The following EPHX2 variants were observed in gnomAD, a reference collection of about 807,000 sequenced individuals.
EPHX2 encodes the protein bifunctional epoxide hydrolase 2.
A neutral mutation model predicts 78.7 loss-of-function variants in EPHX2; 74 were observed. The observed-to-expected ratio is 0.94, with a 90% CI of 0.78 to 1.14. The LOEUF is 1.14. Ranked by LOEUF, EPHX2 falls within the 50% of genes most tolerant of loss-of-function variation. The probability of loss-of-function intolerance (pLI) is 0.00; values close to 1 mark genes in which losing one functional copy is unlikely to be tolerated. For missense variants in EPHX2, 715 were observed against 702.5 expected, an observed-to-expected ratio of 1.02 and a Z score of -0.20; for synonymous variants, 251 against 255.2, an observed-to-expected ratio of 0.98 and a Z score of 0.16.
In EPHX2 at chr8:27,516,304, C is replaced by T. The variant is rs372480614; in HGVS notation, c.832-16C>T. On this transcript the variant is annotated splice_polypyrimidine_tract_variant and intron_variant, in intron 7 of 18. Transcript: ENST00000521400. The stretch of plus-strand genomic sequence containing the variant: ...ACTGATGGGACCATGCTGGAGTGTG[C>T]CTGTTTGTTTTCTAGATCCCTGCTC... 2.0e-5 allele frequency: 32 copies of T among 1,612,256 alleles called. No individual in the cohort carries two copies. The African/African-American group carries it at 3.6e-4, about 18-fold the overall frequency.
intron 12 of EPHX2, 125 bp downstream of exon 12, chr8:27,525,598 A>C: frequency 1.1e-6 from 1 of 871,160 alleles, no homozygotes; most frequent in South Asian, 1.5e-5. Flanking sequence ...AAATGATTTT[A>C]CAAATGGGCT....
At chr8:27,494,101 C>T (rs972421061) in intron 1 of EPHX2, among the ~76,000 whole-genome samples, 9 of 151,936 alleles carry the variant, frequency 5.9e-5, no homozygotes, top group Non-Finnish European at 1.3e-4. Flanking sequence ...TTTGGGGGGC[C>T]CTGAGAAGCA....
chr8:27,517,921 G>T (rs1295522231), intron 8 of EPHX2, 117 bp from the exon 9 acceptor site: 2 of 763,618 alleles, frequency 2.6e-6, no homozygotes, highest in African/African-American at 1.8e-5. Context: ...GTAAGTTTTT[G>T]TGGGTTTTTG....
At position 27,538,679 on chromosome 8, in the gene EPHX2, A is replaced by C. The variant is rs1351256764; in HGVS notation, c.1263A>C (p.Lys421Asn). 2 of 1,613,956 alleles carry C rather than the reference A, an allele frequency of 1.2e-6. No homozygotes were observed. The highest frequency in any genetic ancestry group is 1.3e-5 in the African/African-American group (1 of 75,022). Reference sequence around the variant, plus strand: ...TTCAGAGTGTTTTATCCATGCATAAAGTCTGTGAAGCGGGTAAGAGACATG... The same window carrying C: ...TTCAGAGTGTTTTATCCATGCATAACGTCTGTGAAGCGGGTAAGAGACATG... ...ASDESVLSMHKVCEAGGLFVN... is the reference protein window; with the variant it reads ...ASDESVLSMHNVCEAGGLFVN... The change falls in exon 14 of 19, where the codon AAA becomes AAC. Residue 421 changes from lysine to asparagine, a missense_variant. Lys to Asn is a moderately conservative substitution (Grantham distance 94, BLOSUM62 0). Transcript: ENST00000521400.
intron 17 of EPHX2, 102 bp from the exon 18 acceptor site, chr8:27,544,084 C>A: frequency 7.2e-7 from 1 of 1,384,870 alleles, no homozygotes; most frequent in Non-Finnish European, 1.0e-6. Context: ...GCAGGGTGGC[C>A]TGCGGGGAGC....
intron 6 of EPHX2, chr8:27,515,410 T>C (rs1332210257): frequency 1.4e-5 from 5 of 350,670 alleles, no homozygotes; most frequent in Non-Finnish European, 2.7e-5. Flanking sequence ...CATCAGAAAC[T>C]GTGAGAGTAT....
At chr8:27,521,812 C>G (rs6990771) in intron 10 of EPHX2, among the ~76,000 whole-genome samples, 3 of 152,020 alleles carry the variant, frequency 2.0e-5, no homozygotes, top group Admixed American at 2.0e-4. Flanking sequence ...CAGTGTGGAG[C>G]GAGGTGTGGA....
rs893401879 is a variant in EPHX2, at chr8:27,515,901, C to G, written c.831+88C>G. ...TCCGACGTGGACTGTCGTGAGGAAG[C>G]TGAAACCTGACAGTGGAGCATTGTC... On this transcript the variant is annotated intron_variant, in intron 7 of 18. Coordinates refer to ENST00000521400, the MANE Select transcript of EPHX2 (RefSeq NM_001979.6). The G allele has an allele frequency of 4.7e-5, 54 of 1,149,318 alleles. No homozygotes were observed. In the Admixed American group the frequency reaches 9.1e-4, roughly 19 times the overall value. 71.2% of individuals were successfully genotyped at this position (1,149,318 alleles called of 1,614,324 possible). A position where few individuals can be genotyped will look rare whatever the true frequency, so the allele number is the denominator to read the frequency against.
At chr8:27,526,608 C>A (rs1585211775) in intron 12 of EPHX2, among the ~76,000 whole-genome samples, 1 of 152,198 alleles carries the variant, frequency 6.6e-6, no homozygotes, top group African/African-American at 2.4e-5. Flanking sequence ...GCAGCTTCAA[C>A]AACAGAAATT....
chr8:27,541,664 C>G (rs750080837), intron 16 of EPHX2, 122 bp downstream of exon 16: 1 of 998,990 alleles, frequency 1.0e-6, no homozygotes, highest in Non-Finnish European at 1.5e-6. Flanking sequence ...CTGGCCACCT[C>G]CTTTCCCTTT....
Position 27,519,002 on chromosome 8 carries a change from T to C in EPHX2, c.945+930T>C, listed in dbSNP as rs192567934. ...CCATTCTTGAGACAGGGACATTGGG[T>C]CACTTAGGAGAACTGGTCTCTTGAA... On this transcript the variant is annotated intron_variant, in intron 9 of 18. Coordinates refer to ENST00000521400, the MANE Select transcript of EPHX2 (RefSeq NM_001979.6). 4.8e-3 allele frequency among the ~76,000 whole-genome samples: 735 copies of C among 152,292 alleles called. 10 individuals are homozygous for C. The highest frequency in any genetic ancestry group is 0.017 in the African/African-American group (700 of 41,548).
At chr8:27,534,834 T>C (rs1815159340) in intron 12 of EPHX2, among the ~76,000 whole-genome samples, 1 of 152,086 alleles carries the variant, frequency 6.6e-6, no homozygotes, top group Non-Finnish European at 1.5e-5. Context: ...GGAGAGCACA[T>C]TCAAGGCTCT....
intron 12 of EPHX2, among the ~76,000 whole-genome samples, chr8:27,529,195 G>A (rs1156314831): frequency 1.3e-5 from 2 of 152,174 alleles, no homozygotes; most frequent in African/African-American, 2.4e-5. Context: ...CTTAGCCAAC[G>A]TGCTGAATCT....
In EPHX2 at chr8:27,520,742, T is replaced by A. The variant is rs140387071; in HGVS notation, c.946-141T>A. The stretch of plus-strand genomic sequence containing the variant: ...AATCATCTCCTTAAAGGCTGTATCT[T>A]CAAAAACAGTCCCATTCTGAGGCCC... On this transcript the variant is annotated intron_variant, in intron 9 of 18. Transcript: ENST00000521400. 2.1e-3 allele frequency: 1,997 copies of A among 973,954 alleles called. 8 individuals are homozygous for A. The highest frequency in any genetic ancestry group is 8.4e-3 in the East Asian group (352 of 41,958). The allele number at this position is 973,954 out of a possible 1,614,324, so 60.3% of individuals were successfully genotyped here. A position where few individuals can be genotyped will look rare whatever the true frequency, so the allele number is the denominator to read the frequency against.
intron 12 of EPHX2, among the ~76,000 whole-genome samples, 178 bp from the exon 13 acceptor site, chr8:27,536,606 A>T (rs998509173): frequency 1.3e-5 from 2 of 152,196 alleles, no homozygotes; most frequent in Admixed American, 1.3e-4. Context: ...CTTGTATTTT[A>T]TGCTAACCTT....
downstream of EPHX2, among the ~76,000 whole-genome samples, chr8:27,548,515 C>T (rs1236748887): frequency 2.6e-5 from 4 of 152,182 alleles, no homozygotes; most frequent in Non-Finnish European, 4.4e-5. Flanking sequence ...GCCCTGAGAT[C>T]GGGGGCTGCC....
intron 3 of EPHX2, 156 bp from the exon 4 acceptor site, chr8:27,504,800 A>G: frequency 1.3e-6 from 1 of 747,058 alleles, no homozygotes; most frequent in Non-Finnish European, 2.2e-6. Context: ...GGTCAAGATG[A>G]TTCTTTTCCA....
At chr8:27,540,324 T>C (rs913843759) in intron 14 of EPHX2, among the ~76,000 whole-genome samples, 2 of 151,988 alleles carry the variant, frequency 1.3e-5, no homozygotes, top group African/African-American at 4.8e-5. Context: ...GCCCGTGAAG[T>C]CGTGGCTAGG....
chr8:27,524,462 G>A (rs1041596033), intron 11 of EPHX2, among the ~76,000 whole-genome samples: 2 of 152,060 alleles, frequency 1.3e-5, no homozygotes, highest in African/African-American at 4.8e-5. Context: ...ACGCCCTCAT[G>A]GTTTTCTTGG....
Sources: allele counts gnomAD v4.1 joint callset (sites outside exome capture counted in the v4.1 genomes callset), GRCh38; gene constraint gnomAD v4.1.1; transcripts MANE v1.5; gene names NCBI Gene and HGNC (gene_info 2026-07-23, HGNC 2026-07-21).